The following DOP1A variants were observed in gnomAD, a reference collection of about 807,000 sequenced individuals.
DOP1A encodes DOP1 leucine zipper like protein A.
DOP1A carries 90 observed loss-of-function variants against 267.6 expected under a neutral mutation model. The observed-to-expected ratio is 0.34, with a 90% CI of 0.28 to 0.40. The LOEUF (loss-of-function observed/expected upper bound fraction) is 0.40. Among genes scored for constraint, DOP1A ranks in the 10% least tolerant of loss-of-function variants. DOP1A has a pLI of 1.00. For missense variants in DOP1A, 2,437 were observed against 2,900.4 expected (o/e 0.84, Z 3.67); for synonymous variants, 932 against 999.1 (o/e 0.93, Z 1.27).
intron 3 of DOP1A, among the ~76,000 whole-genome samples, chr6:83,099,828 CA>C (rs1371648870): frequency 6.6e-6 from 1 of 151,348 alleles, no homozygotes; most frequent in African/African-American, 2.4e-5. Flanking sequence ...TATATTATGG[CA>C]AAAAAACACA....
intron 1 of DOP1A, among the ~76,000 whole-genome samples, chr6:83,082,653 C>T (rs1407169409): frequency 6.6e-6 from 1 of 152,088 alleles, no homozygotes; most frequent in Non-Finnish European, 1.5e-5. Context: ...AGTAAGTGTT[C>T]TTACCACAAA....
chr6:83,083,265 C>G (rs540595931), intron 1 of DOP1A, among the ~76,000 whole-genome samples: 1 of 151,826 alleles, frequency 6.6e-6, no homozygotes, highest in Admixed American at 6.6e-5. Flanking sequence ...CATTCAAGGT[C>G]TAGGAAGAAT....
chr6:83,163,015 T>TC, intron 38 of DOP1A, 96 bp downstream of exon 38: 1 of 1,372,268 alleles, frequency 7.3e-7, no homozygotes, highest in Middle Eastern at 1.9e-4. Context: ...GAGAACGTTA[T>TC]CAAGTTGAGC....
Position 83,137,704 on chromosome 6 carries a change from C to A in DOP1A, c.3662C>A (p.Ala1221Glu), listed in dbSNP as rs1335749559. The A allele has an allele frequency of 6.2e-7, 1 of 1,613,352 alleles. No individual in the cohort carries two copies. Among genetic ancestry groups the A allele is most frequent in the South Asian group, 1.1e-5 (1 of 91,016 alleles). The change falls in exon 21 of 39, where the codon GCA (alanine) becomes GAA (glutamate). Residue 1221 changes from alanine (A) to glutamate (E), a missense_variant. Transcript: ENST00000349129. The part of the protein sequence containing the change: ...NESSQFLSVS[A>E]EGGHECVANG... ...AGTTCTCAGTTTCTGTCTGTGTCTGCAGAGGGAGGCCATGAGTGTGTGGCA... is the reference window on the plus strand; with the variant it reads ...AGTTCTCAGTTTCTGTCTGTGTCTGAAGAGGGAGGCCATGAGTGTGTGGCA...
rs563748291 is a variant in DOP1A, at chr6:83,123,484, C to G, written c.1340+502C>G. Among the ~76,000 whole-genome samples the G allele has an allele frequency of 6.6e-5, 10 of 152,152 alleles. No individual in the cohort carries two copies. The South Asian group carries it at 2.1e-3, about 32-fold the overall frequency. On this transcript the variant is annotated intron_variant, in intron 12 of 38. Coordinates refer to ENST00000349129, the MANE Select transcript of DOP1A (RefSeq NM_015018.4). ...GGATACTAGTGAATCTGAGTGGAAT[C>G]TCTGTCTGGCTTCTAGACCAGATCC...
rs9449584 is a variant in DOP1A at position 83,162,780 on chromosome 6, C to G, written c.6963-10C>G. 6,573 of 1,602,466 alleles carry G rather than the reference C, an allele frequency of 4.1e-3. 196 individuals are homozygous for G. In the African/African-American group the frequency reaches 0.07, roughly 17 times the overall value. On this transcript the variant is annotated splice_polypyrimidine_tract_variant and intron_variant, in intron 37 of 38. Transcript: ENST00000349129. ...TCTTACTGATGCTGATGTCATTATT[C>G]TATACATAGGTACCGATGGGCCTTT...
chr6:83,069,025 G>GT (rs1387315492), intron 1 of DOP1A, among the ~76,000 whole-genome samples: 1 of 152,154 alleles, frequency 6.6e-6, no homozygotes, highest in African/African-American at 2.4e-5. Context: ...TAAATGTAAG[G>GT]TAAGTGTTGT....
intron 6 of DOP1A, among the ~76,000 whole-genome samples, chr6:83,112,209 GATAA>G (rs1200393633): frequency 2.0e-5 from 3 of 151,650 alleles, no homozygotes; most frequent in African/African-American, 7.3e-5. Context: ...AGCTACTATA[GATAA>G]ATAAAAACAA....
Position 83,125,533 on chromosome 6 carries a change from C to G in DOP1A, c.1519C>G (p.Pro507Ala). The change falls in exon 15 of 39, where the codon CCC (proline) becomes GCC (alanine). Residue 507 changes from proline (P) to alanine (A), a missense_variant. Pro to Ala is a conservative substitution (Grantham distance 27). This residue lies in a region of DOP1A where 498 missense variants were observed against 513.5 expected (regional missense o/e 0.97). Transcript: ENST00000349129. ...CATTGAAATCCAGACAGAACACTTG[C>G]CCCAGTTGCTGCTCAGAATGATTTC... The part of the protein sequence containing the change: ...TYIEIQTEHL[P>A]QLLLRMISAL... 1 of 1,613,662 alleles carries G rather than the reference C, an allele frequency of 6.2e-7. No homozygotes were observed. The highest frequency in any genetic ancestry group is 8.5e-7 in the Non-Finnish European group (1 of 1,179,752).
intron 1 of DOP1A, among the ~76,000 whole-genome samples, chr6:83,080,051 A>G (rs1352227560): frequency 1.3e-5 from 2 of 152,154 alleles, no homozygotes; most frequent in South Asian, 2.1e-4. Flanking sequence ...AATGTGGTCA[A>G]TCTAGATAAT....
chr6:83,148,864 G>A lies in DOP1A; in HGVS notation c.5837+1G>A, dbSNP rs2128314207. On this transcript the variant is annotated splice_donor_variant, in intron 27 of 38. Transcript: ENST00000349129. LOFTEE classifies it high-confidence loss of function. Reference sequence around the variant, plus strand: ...CTCCAGGGCAGTTTCTTATACTTGGGTAAGCAATTTCACTTAATATTATTT... The same window carrying A: ...CTCCAGGGCAGTTTCTTATACTTGGATAAGCAATTTCACTTAATATTATTT... The A allele has an allele frequency of 2.7e-6, 4 of 1,496,218 alleles. No homozygotes were observed. The highest frequency in any genetic ancestry group is 5.0e-5 in the East Asian group (2 of 39,930). 92.7% of individuals were successfully genotyped at this position (1,496,218 alleles called of 1,614,324 possible).
intron 7 of DOP1A, among the ~76,000 whole-genome samples, chr6:83,117,380 G>A (rs1202509454): frequency 2.6e-5 from 4 of 152,050 alleles, no homozygotes; most frequent in Non-Finnish European, 5.9e-5. Context: ...TAGATCTCCT[G>A]ACCTTGTGAT....
intron 1 of DOP1A, among the ~76,000 whole-genome samples, chr6:83,068,733 C>T (rs1785119353): frequency 6.6e-6 from 1 of 152,212 alleles, no homozygotes; most frequent in East Asian, 1.9e-4. Context: ...CAGTGAATAA[C>T]ATACGTCGGC....
chr6:83,156,266 C>T (rs549411974), intron 34 of DOP1A, among the ~76,000 whole-genome samples, 163 bp downstream of exon 34: 1 of 152,222 alleles, frequency 6.6e-6, no homozygotes, highest in Non-Finnish European at 1.5e-5. Context: ...ATGCTGGCAT[C>T]TAAAAGAAAT....
At chr6:83,111,683 A>G (rs904661393) in intron 6 of DOP1A, among the ~76,000 whole-genome samples, 2 of 152,102 alleles carry the variant, frequency 1.3e-5, no homozygotes, top group African/African-American at 2.4e-5. Flanking sequence ...ATAAATTTCT[A>G]TTCAAATCCT....
intron 27 of DOP1A, among the ~76,000 whole-genome samples, chr6:83,151,195 C>T (rs891425655): frequency 1.3e-5 from 2 of 152,150 alleles, no homozygotes; most frequent in African/African-American, 4.8e-5. Context: ...CCAGGTTTCC[C>T]AGGCCAGAGT....
downstream of DOP1A, chr6:83,170,748 C>A (rs928176064): frequency 1.8e-5 from 5 of 281,576 alleles, no homozygotes; most frequent in African/African-American, 8.7e-5. Flanking sequence ...TGACTAAGTC[C>A]CATATCACAC....
rs1433483057 is a variant in DOP1A at position 83,130,176 on chromosome 6, A to G, written c.2395A>G (p.Ser799Gly). 3 of 1,614,106 alleles carry G rather than the reference A, an allele frequency of 1.9e-6. No homozygotes were observed. Among genetic ancestry groups the G allele is most frequent in the Non-Finnish European group, 2.5e-6 (3 of 1,179,974 alleles). The change falls in exon 17 of 39, where the codon AGC becomes GGC. Residue 799 changes from serine (S) to glycine (G), a missense_variant. By Grantham distance (56) the Ser-to-Gly change is moderately conservative. This residue lies in a region of DOP1A where 878 missense variants were observed against 992.9 expected (regional missense o/e 0.88). Coordinates refer to ENST00000349129, the MANE Select transcript of DOP1A (RefSeq NM_015018.4). ...GCTCCAGACTCTGATGAATGCTTGC[A>G]GCCAAGCAAGTGATTTCAGTGTTCA... The part of the protein sequence containing the change: ...QWLQTLMNAC[S>G]QASDFSVQSV...
chr6:83,074,016 G>A (rs1786051207), intron 1 of DOP1A, among the ~76,000 whole-genome samples: 1 of 152,170 alleles, frequency 6.6e-6, no homozygotes, highest in Admixed American at 6.5e-5. Context: ...TTGCCCAAGA[G>A]CATGAATATC....
Sources: gnomAD v4.1 joint callset for allele counts (sites outside exome capture counted in the v4.1 genomes callset) on GRCh38, gnomAD v4.1.1 for gene constraint, gnomAD v4.1.1 regional missense constraint, MANE v1.5 for transcripts, NCBI Gene and HGNC (gene_info 2026-07-23, HGNC 2026-07-21) for gene names.